KCNMB4: variants seen among roughly 807,000 people sequenced by gnomAD.
KCNMB4 encodes the protein calcium-activated potassium channel subunit beta-4.
In KCNMB4, 3 loss-of-function variants were observed where a neutral mutation model predicts 20.7. The observed-to-expected ratio is 0.14, with a 90% CI of 0.07 to 0.37. KCNMB4 has a LOEUF of 0.37. KCNMB4 is among the 10% of genes least tolerant of loss of function. KCNMB4 has a pLI of 1.00. For synonymous variants in KCNMB4, 110 were observed against 113.4 expected, an observed-to-expected ratio of 0.97 and a Z score of 0.19; for missense variants, 168 against 265.9, an observed-to-expected ratio of 0.63 and a Z score of 2.56.
At chr12:70,371,809 T>C (rs4761200) in intron 1 of KCNMB4, among the ~76,000 whole-genome samples, 90,801 of 151,662 alleles carry the variant, frequency 0.6, 28,524 homozygotes, top group East Asian at 0.94. Flanking sequence ...GACTAGAATA[T>C]AGGTCAAAAC....
At position 70,433,540 on chromosome 12, in the gene KCNMB4, T is replaced by C. The variant is rs1471160198; in HGVS notation, c.*2887T>C. 1.3e-5 allele frequency: 2 copies of C among 152,180 alleles called. No individual in the cohort carries two copies. Among genetic ancestry groups the C allele is most frequent in the African/African-American group, 4.8e-5 (2 of 41,444 alleles). The allele number at this position is 152,180 out of a possible 1,614,324, so 9.4% of individuals were successfully genotyped here. On this transcript the variant is annotated 3_prime_UTR_variant, in exon 3 of 3. Coordinates refer to ENST00000258111, the MANE Select transcript of KCNMB4 (RefSeq NM_014505.6). Reference sequence around the variant, plus strand: ...TTCATGAATACTTACTATATAGCTATACCTAGCTTCAAGAAAGCCTGGGAC... The same window carrying C: ...TTCATGAATACTTACTATATAGCTACACCTAGCTTCAAGAAAGCCTGGGAC...
chr12:70,407,799 C>T (rs978964290), intron 2 of KCNMB4, among the ~76,000 whole-genome samples: 3 of 151,826 alleles, frequency 2.0e-5, no homozygotes, highest in African/African-American at 7.3e-5. Context: ...CCTCTATTCA[C>T]ATGGTTGGTT....
chr12:70,385,397 C>T (rs1565856859), intron 1 of KCNMB4, among the ~76,000 whole-genome samples: 1 of 152,194 alleles, frequency 6.6e-6, no homozygotes, highest in Non-Finnish European at 1.5e-5. Flanking sequence ...CTTTATCTCC[C>T]ATGTCCCTGT....
intron 1 of KCNMB4, among the ~76,000 whole-genome samples, chr12:70,380,757 C>T (rs1266119085): frequency 6.6e-6 from 1 of 152,008 alleles, no homozygotes; most frequent in Admixed American, 6.6e-5. Flanking sequence ...GCTTGAACAG[C>T]TGAATATCCA....
At chr12:70,381,147 ATGTT>A (rs1169856868) in intron 1 of KCNMB4, among the ~76,000 whole-genome samples, 1 of 152,174 alleles carries the variant, frequency 6.6e-6, no homozygotes. Flanking sequence ...ACATGAAAAA[ATGTT>A]TGACATTTTT....
At chr12:70,424,366 T>C (rs1869151112) in intron 2 of KCNMB4, among the ~76,000 whole-genome samples, 1 of 149,744 alleles carries the variant, frequency 6.7e-6, no homozygotes, top group African/African-American at 2.5e-5. Flanking sequence ...CAGTTCAATG[T>C]AAAGAATACT....
intron 1 of KCNMB4, among the ~76,000 whole-genome samples, chr12:70,394,981 TA>T (rs1158264814): frequency 6.6e-6 from 1 of 152,152 alleles, no homozygotes; most frequent in Non-Finnish European, 1.5e-5. Context: ...ATGGAGTTTA[TA>T]AATGGCTCAG....
At chr12:70,422,646 C>A in intron 2 of KCNMB4, 1 of 1,234,624 alleles carries the variant, frequency 8.1e-7, no homozygotes, top group Non-Finnish European at 1.1e-6. Flanking sequence ...GAATAAAATT[C>A]ATTCGTTGAT....
At chr12:70,396,817 C>T (rs1868356128) in intron 1 of KCNMB4, among the ~76,000 whole-genome samples, 1 of 152,152 alleles carries the variant, frequency 6.6e-6, no homozygotes. Context: ...TCGAAAACCA[C>T]CAGGCTTGAA....
chr12:70,423,239 T>C (rs1031089045), intron 2 of KCNMB4, among the ~76,000 whole-genome samples: 1 of 152,186 alleles, frequency 6.6e-6, no homozygotes, highest in Admixed American at 6.5e-5. Flanking sequence ...AACTGCAAGT[T>C]TGGGGCTTGA....
intron 2 of KCNMB4, among the ~76,000 whole-genome samples, chr12:70,417,970 A>G (rs1010850999): frequency 1.1e-4 from 17 of 152,196 alleles, no homozygotes; most frequent in Non-Finnish European, 2.1e-4. Flanking sequence ...CCGTGTTGCT[A>G]TGCCCCACTT....
At chr12:70,371,872 A>T (rs1320229551) in intron 1 of KCNMB4, among the ~76,000 whole-genome samples, 1 of 152,214 alleles carries the variant, frequency 6.6e-6, no homozygotes, top group Non-Finnish European at 1.5e-5. Context: ...ACAGACAAGA[A>T]ATAAATGTAT....
intron 1 of KCNMB4, among the ~76,000 whole-genome samples, chr12:70,385,622 A>G (rs1182090985): frequency 3.3e-5 from 5 of 152,226 alleles, no homozygotes; most frequent in African/African-American, 1.2e-4. Flanking sequence ...AGATAAATTC[A>G]GTTATGAATC....
intron 1 of KCNMB4, among the ~76,000 whole-genome samples, chr12:70,370,716 GA>G (rs1450723144): frequency 6.7e-6 from 1 of 149,504 alleles, no homozygotes. Flanking sequence ...AAGTTTAAAT[GA>G]AATGAACTTG....
At chr12:70,383,837 G>A (rs1341147403) in intron 1 of KCNMB4, among the ~76,000 whole-genome samples, 1 of 152,200 alleles carries the variant, frequency 6.6e-6, no homozygotes, top group Non-Finnish European at 1.5e-5. Flanking sequence ...GGGAGGCCAA[G>A]TTGGGTGGAT....
At chr12:70,397,593 C>G (rs1375730046) in intron 1 of KCNMB4, among the ~76,000 whole-genome samples, 2 of 152,184 alleles carry the variant, frequency 1.3e-5, no homozygotes, top group African/African-American at 4.8e-5. Flanking sequence ...GAAACTTCAG[C>G]ATACCTAATA....
rs1311501265 is a variant in KCNMB4, at chr12:70,431,485, G to A, written c.*832G>A. On this transcript the variant is annotated 3_prime_UTR_variant, in exon 3 of 3. Transcript: ENST00000258111. The stretch of plus-strand genomic sequence containing the variant: ...TACATGATGTGAAGGACACTCTTCA[G>A]CTTAGTGAAACGCTGTTTTCATTTT... 1 of 151,232 alleles carries A rather than the reference G, an allele frequency of 6.6e-6. No homozygotes were observed. The highest frequency in any genetic ancestry group is 1.5e-5 in the Non-Finnish European group (1 of 67,918). 9.4% of individuals were successfully genotyped at this position (151,232 alleles called of 1,614,324 possible). A position where few individuals can be genotyped will look rare whatever the true frequency, so the allele number is the denominator to read the frequency against.
At chr12:70,374,253 A>G (rs1465535786) in intron 1 of KCNMB4, among the ~76,000 whole-genome samples, 1 of 152,204 alleles carries the variant, frequency 6.6e-6, no homozygotes, top group Non-Finnish European at 1.5e-5. Context: ...GCTTTTTATA[A>G]GTTGACACAT....
intron 1 of KCNMB4, among the ~76,000 whole-genome samples, chr12:70,394,313 G>C (rs1265013936): frequency 6.6e-6 from 1 of 152,072 alleles, no homozygotes; most frequent in Non-Finnish European, 1.5e-5. Context: ...GTGATCTGTG[G>C]AACAGACTTT....
Sources: allele counts gnomAD v4.1 joint callset (sites outside exome capture counted in the v4.1 genomes callset), GRCh38; gene constraint gnomAD v4.1.1; transcripts MANE v1.5; gene names NCBI Gene and HGNC (gene_info 2026-07-23, HGNC 2026-07-21).